GPHN: variants seen among roughly 807,000 people sequenced by gnomAD.
GPHN encodes the protein gephyrin.
In GPHN, 17 loss-of-function variants were observed where a neutral mutation model predicts 95.5. That is an observed-to-expected ratio of 0.18 (90% CI 0.12 to 0.27). GPHN has a LOEUF of 0.27. GPHN is among the 10% of genes least tolerant of loss of function. The pLI, the probability that GPHN is intolerant of heterozygous loss-of-function variation, is 1.00. For synonymous variants in GPHN, 320 were observed against 322.5 expected (o/e 0.99, Z 0.08); for missense variants, 660 against 978.1 (o/e 0.67, Z 4.34).
chr14:67,582,079 C>T, the GPHN span: 5 of 1,610,232 alleles, frequency 3.1e-6, no homozygotes, highest in South Asian at 1.1e-5. The surrounding 1 kb of genome is among the most constrained non-coding windows in gnomAD (Gnocchi z 5.0). Context: ...GCTGTACTTT[C>T]GCAGTCAAGT....
At chr14:66,533,193 G>T (rs1045046972) in intron 1 of GPHN, among the ~76,000 whole-genome samples, 1 of 152,124 alleles carries the variant, frequency 6.6e-6, no homozygotes, top group Non-Finnish European at 1.5e-5. Context: ...TGTTCTACTG[G>T]TGTGTAAGCA....
chr14:67,375,613 A>G, the GPHN span, among the ~76,000 whole-genome samples: 1 of 152,166 alleles, frequency 6.6e-6, no homozygotes, highest in Non-Finnish European at 1.5e-5. Flanking sequence ...TCTAAAAGCC[A>G]TCAGTTACCC....
At chr14:67,155,710 G>A (rs573864195) in intron 18 of GPHN, among the ~76,000 whole-genome samples, 5 of 152,190 alleles carry the variant, frequency 3.3e-5, no homozygotes, top group South Asian at 2.1e-4. Context: ...TGAGCAAAAC[G>A]ATATTTAAAA....
intron 11 of GPHN, among the ~76,000 whole-genome samples, chr14:67,072,971 G>T (rs1307916424): frequency 6.6e-6 from 1 of 151,696 alleles, no homozygotes; most frequent in Admixed American, 6.6e-5. Context: ...TTGGCATATT[G>T]GTATGTATTT....
At chr14:67,460,244 G>A in the GPHN span, among the ~76,000 whole-genome samples, 1 of 152,104 alleles carries the variant, frequency 6.6e-6, no homozygotes, top group Non-Finnish European at 1.5e-5. Context: ...GTCATGGGAG[G>A]AGTCCCTGGG....
chr14:67,576,355 C>A, the GPHN span: 1 of 1,177,922 alleles, frequency 8.5e-7, no homozygotes, highest in Non-Finnish European at 1.3e-6. The surrounding 1 kb of genome is among the most constrained non-coding windows in gnomAD (Gnocchi z 4.0). Context: ...TCCACTCTTC[C>A]CACCCCGTCC....
chr14:66,639,685 C>T (rs1435730126), intron 1 of GPHN, among the ~76,000 whole-genome samples: 4 of 151,742 alleles, frequency 2.6e-5, no homozygotes, highest in Non-Finnish European at 4.4e-5. Flanking sequence ...AAATAAAAGG[C>T]AGAGGCAAGA....
At chr14:67,519,283 G>T in the GPHN span, among the ~76,000 whole-genome samples, 1 of 152,208 alleles carries the variant, frequency 6.6e-6, no homozygotes, top group African/African-American at 2.4e-5. Context: ...CATTGGAAAA[G>T]AATATGATCA....
At chr14:67,402,062 C>A in the GPHN span, among the ~76,000 whole-genome samples, 1 of 152,066 alleles carries the variant, frequency 6.6e-6, no homozygotes. Context: ...ACTCAGGAGG[C>A]GGAGTTTGCA....
the GPHN span, among the ~76,000 whole-genome samples, chr14:67,341,351 C>CA: frequency 6.7e-6 from 1 of 150,322 alleles, no homozygotes; most frequent in Non-Finnish European, 1.5e-5. Flanking sequence ...GGAGACCCTC[C>CA]ACCCGGCAGC....
At chr14:66,751,253 C>T (rs1305275043) in intron 2 of GPHN, among the ~76,000 whole-genome samples, 3 of 152,000 alleles carry the variant, frequency 2.0e-5, no homozygotes, top group Non-Finnish European at 2.9e-5. Flanking sequence ...GTCTCCACGT[C>T]TTTGTGGAAT....
chr14:67,289,768 C>CTTTTTTTTTTTTTTTTTTT, the GPHN span, among the ~76,000 whole-genome samples: 6 of 95,508 alleles, frequency 6.3e-5, 2 homozygotes, highest in Non-Finnish European at 6.4e-5. Context: ...TTTTCCATGT[C>CTTTTTTTTTTTTTTTTTTT]CTTTTTTTTT....
chr14:67,627,772 AT>A, the GPHN span, among the ~76,000 whole-genome samples: 39 of 152,210 alleles, frequency 2.6e-4, no homozygotes, highest in African/African-American at 8.4e-4. Flanking sequence ...CCATCTCTAC[AT>A]TTTTTAAGAG....
At chr14:66,812,911 A>C (rs992199956) in intron 3 of GPHN, among the ~76,000 whole-genome samples, 3 of 152,380 alleles carry the variant, frequency 2.0e-5, no homozygotes, top group Admixed American at 2.0e-4. Flanking sequence ...TTTACTCTGG[A>C]AAATTATCTT....
the GPHN span, chr14:67,576,459 A>G: frequency 1.2e-6 from 2 of 1,606,484 alleles, no homozygotes; most frequent in Non-Finnish European, 8.5e-7. The surrounding 1 kb of genome is among the most constrained non-coding windows in gnomAD (Gnocchi z 4.0). Context: ...GGCACTGCCT[A>G]TGAGCAGCTC....
intron 20 of GPHN, among the ~76,000 whole-genome samples, chr14:67,165,919 T>G (rs376042079): frequency 1.3e-5 from 2 of 152,230 alleles, no homozygotes; most frequent in East Asian, 3.8e-4. Context: ...TCATGGTGAA[T>G]CTTGATAAAT....
At chr14:66,981,494 C>A (rs2070672767) in intron 9 of GPHN, among the ~76,000 whole-genome samples, 1 of 152,112 alleles carries the variant, frequency 6.6e-6, no homozygotes, top group African/African-American at 2.4e-5. Context: ...TTCTCCAAAT[C>A]ATAGCTACCA....
chr14:67,056,540 G>A (rs1029761127), intron 10 of GPHN, among the ~76,000 whole-genome samples: 2 of 151,488 alleles, frequency 1.3e-5, no homozygotes, highest in African/African-American at 4.9e-5. Context: ...TAGATACAGA[G>A]CGCTGATTGG....
chr14:66,869,458 C>T (rs2063346808), intron 4 of GPHN, among the ~76,000 whole-genome samples: 1 of 152,176 alleles, frequency 6.6e-6, no homozygotes, highest in Admixed American at 6.5e-5. Context: ...TCTTTGTACT[C>T]AGCTCTTGCT....
Sources: gnomAD v4.1 joint callset for allele counts (sites outside exome capture counted in the v4.1 genomes callset) on GRCh38, gnomAD v4.1.1 for gene constraint, Gnocchi (gnomAD v3.1) non-coding constraint, MANE v1.5 for transcripts, NCBI Gene and HGNC (gene_info 2026-07-23, HGNC 2026-07-21) for gene names.